ADAM28: variants seen among roughly 807,000 people sequenced by gnomAD.
ADAM28 encodes the protein disintegrin and metalloproteinase domain-containing protein 28.
In ADAM28, 105 loss-of-function variants were observed where a neutral mutation model predicts 101.2. The ratio of observed to expected loss-of-function variants is 1.04; its 90% CI spans 0.89 to 1.22. ADAM28 has a LOEUF of 1.22. Among genes scored for constraint, ADAM28 ranks in the 50% most tolerant of loss-of-function variants. The pLI is 0.00. For missense variants in ADAM28, 1,028 were observed against 945.4 expected (o/e 1.09, Z -1.15); for synonymous variants, 322 against 310.6 (o/e 1.04, Z -0.39).
chr8:24,315,263 T>C (rs572501089), intron 6 of ADAM28, among the ~76,000 whole-genome samples: 6 of 151,738 alleles, frequency 4.0e-5, no homozygotes, highest in South Asian at 2.1e-4. Context: ...GGTAACAAAA[T>C]AGACAAACTC....
intron 9 of ADAM28, chr8:24,324,989 T>C (rs774757559): frequency 2.0e-5 from 3 of 151,994 alleles, no homozygotes; most frequent in Non-Finnish European, 2.9e-5. Context: ...CCAGTCCAGA[T>C]TCAAGGGGAA....
intron 5 of ADAM28, among the ~76,000 whole-genome samples, 192 bp downstream of exon 5, chr8:24,311,629 C>CT (rs1438902122): frequency 1.3e-5 from 2 of 152,246 alleles, no homozygotes; most frequent in South Asian, 2.1e-4. Context: ...ATCCGAATTG[C>CT]TTTCAAATAT....
chr8:24,305,589 C>T lies in ADAM28; in HGVS notation c.151-4305C>T, dbSNP rs575054767. ...ACATGTTGGTCTAAATAAATACTTGCAAAGCACATTAATTTTATCTTTAAA... is the reference window on the plus strand; with the variant it reads ...ACATGTTGGTCTAAATAAATACTTGTAAAGCACATTAATTTTATCTTTAAA... On this transcript the variant is annotated intron_variant, in intron 2 of 22. Coordinates refer to ENST00000265769, the MANE Select transcript of ADAM28 (RefSeq NM_014265.6). Among the ~76,000 whole-genome samples the T allele has an allele frequency of 2.2e-3, 336 of 150,160 alleles. 1 individual carries two copies. The highest frequency in any genetic ancestry group is 3.8e-3 in the Non-Finnish European group (260 of 67,738).
At chr8:24,309,195 C>A (rs1394049576) in intron 2 of ADAM28, among the ~76,000 whole-genome samples, 2 of 152,078 alleles carry the variant, frequency 1.3e-5, no homozygotes, top group East Asian at 1.9e-4. Flanking sequence ...CATGGTTTAC[C>A]CGAGGTAATA....
intron 16 of ADAM28, 72 bp downstream of exon 16, chr8:24,341,829 G>T: frequency 6.3e-7 from 1 of 1,592,906 alleles, no homozygotes; most frequent in South Asian, 1.1e-5. Context: ...TTTGCCCCTC[G>T]GTTATTCACT....
chr8:24,332,709 C>A lies in ADAM28; in HGVS notation c.1331C>A (p.Thr444Asn). 1 of 1,521,260 alleles carries A rather than the reference C, an allele frequency of 6.6e-7. No individual in the cohort carries two copies. The highest frequency in any genetic ancestry group is 8.9e-7 in the Non-Finnish European group (1 of 1,125,660). The allele number at this position is 1,521,260 out of a possible 1,614,324, so 94.2% of individuals were successfully genotyped here. A position where few individuals can be genotyped will look rare whatever the true frequency, so the allele number is the denominator to read the frequency against. Residue 444 changes from threonine to asparagine, a missense_variant, in exon 13 of 23, where the codon ACT becomes AAT. Physicochemically the swap from Thr to Asn is moderately conservative, Grantham distance 65. Coordinates refer to ENST00000265769, the MANE Select transcript of ADAM28 (RefSeq NM_014265.6). ...GCTAAGACATGTAAAATCAAAGCAA[C>A]TTTTCAATGTGCATTAGGAGAATGT... The part of the protein sequence containing the change: ...CDAKTCKIKA[T>N]FQCALGECCE...
chr8:24,306,708 C>G (rs1422311934), intron 2 of ADAM28, among the ~76,000 whole-genome samples: 7 of 152,120 alleles, frequency 4.6e-5, no homozygotes, highest in African/African-American at 1.7e-4. Flanking sequence ...AAAATATTCT[C>G]TGTTTATCTG....
In ADAM28 at chr8:24,339,574, T is replaced by C. The variant is rs1452750042; in HGVS notation, c.1670+6T>C. On this transcript the variant is annotated splice_donor_region_variant and intron_variant, in intron 15 of 22. Transcript: ENST00000265769. ...CTCATTCCCTGCAAAGCAAAGTAAG[T>C]GGCCTTGTCTGAACCTTCCTGCTTC... 20 of 1,607,408 alleles carry C rather than the reference T, an allele frequency of 1.2e-5. No individual in the cohort carries two copies. Among genetic ancestry groups the C allele is most frequent in the Non-Finnish European group, 1.7e-5 (20 of 1,176,422 alleles).
At chr8:24,323,157 C>G (rs1259196828) in intron 8 of ADAM28, among the ~76,000 whole-genome samples, 1 of 151,846 alleles carries the variant, frequency 6.6e-6, no homozygotes, top group Non-Finnish European at 1.5e-5. Context: ...CAGCTGCCTT[C>G]TCACTGTGCC....
intron 11 of ADAM28, among the ~76,000 whole-genome samples, chr8:24,330,739 C>G (rs1421256337): frequency 6.6e-6 from 1 of 152,102 alleles, no homozygotes. Flanking sequence ...GTTAACTCTC[C>G]CCTCTATTAC....
Position 24,331,318 on chromosome 8 carries a change from G to A in ADAM28, c.1272G>A (p.Gly424=), listed in dbSNP as rs377763144. Residue 424 remains glycine, a synonymous_variant, in exon 12 of 23, where the codon GGG becomes GGA. Coordinates refer to ENST00000265769, the MANE Select transcript of ADAM28 (RefSeq NM_014265.6). ...AAATGGGAGAGGACTGTGATTGTGGGACATCTGAGGTATGGCCAATCACTT... is the reference window on the plus strand; with the variant it reads ...AAATGGGAGAGGACTGTGATTGTGGAACATCTGAGGTATGGCCAATCACTT... ...LVEMGEDCDC[G]TSEECTNICC... 5.6e-6 allele frequency: 9 copies of A among 1,603,416 alleles called. No homozygotes were observed. The African/African-American group carries it at 8.1e-5, about 14-fold the overall frequency.
At chr8:24,310,007 A>G (rs1250794321) in intron 3 of ADAM28, 37 bp downstream of exon 3, 2 of 1,519,268 alleles carry the variant, frequency 1.3e-6, no homozygotes, top group South Asian at 1.1e-5. Flanking sequence ...CCTCAGCAAG[A>G]GCAAGGCAGC....
chr8:24,352,119 A>G (rs1816231793), intron 21 of ADAM28, 67 bp downstream of exon 21: 1 of 1,310,754 alleles, frequency 7.6e-7, no homozygotes. Context: ...TGAAAGTCAT[A>G]GCCCACAACA....
At chr8:24,297,655 C>A (rs553033850) in intron 1 of ADAM28, among the ~76,000 whole-genome samples, 7 of 152,210 alleles carry the variant, frequency 4.6e-5, no homozygotes, top group Non-Finnish European at 7.3e-5. Flanking sequence ...ATGTACCAGG[C>A]AGCACGTGGG....
rs144387069 is a variant in ADAM28, at chr8:24,347,815, GACC to G, written c.1991-2047_1991-2045del. Among the ~76,000 whole-genome samples the G allele has an allele frequency of 9.3e-3, 1,418 of 152,166 alleles. 22 individuals carry two copies. Among genetic ancestry groups the G allele is most frequent in the African/African-American group, 0.032 (1,329 of 41,526 alleles). On this transcript the variant is annotated intron_variant, in intron 18 of 22. Transcript: ENST00000265769. ...CCTTTGAGAATATACACTTCCTGGA[GACC>G]ATATAGCTGTAACGTATTTGTTTTG...
Position 24,349,975 on chromosome 8 carries a change from G to C in ADAM28, c.2099+3G>C. The C allele has an allele frequency of 1.2e-6, 2 of 1,612,552 alleles. No individual in the cohort carries two copies. Among genetic ancestry groups the C allele is most frequent in the East Asian group, 2.2e-5 (1 of 44,750 alleles). ...GAAAAGCAGAAGAAAGATCAGAGGT[G>C]ATCCTTTATCTTATCTTGCTGTAGG... On this transcript the variant is annotated splice_donor_region_variant and intron_variant, in intron 19 of 22. Transcript: ENST00000265769.
intron 13 of ADAM28, 103 bp from the exon 14 acceptor site, chr8:24,335,343 C>T: frequency 6.9e-7 from 1 of 1,442,890 alleles, no homozygotes; most frequent in African/African-American, 1.4e-5. Flanking sequence ...CCTCCAACTA[C>T]TATGCCCAAA....
At chr8:24,300,978 T>G (rs1013762774) in intron 2 of ADAM28, 18 of 152,154 alleles carry the variant, frequency 1.2e-4, no homozygotes, top group African/African-American at 4.3e-4. Flanking sequence ...CAATAAACAT[T>G]TATTAATTCT....
chr8:24,331,560 T>C (rs1275490328), intron 12 of ADAM28, among the ~76,000 whole-genome samples: 1 of 152,122 alleles, frequency 6.6e-6, no homozygotes, highest in Non-Finnish European at 1.5e-5. Flanking sequence ...TTTTAAGGAC[T>C]ATTTACTAAC....
Sources: gnomAD v4.1 joint callset for allele counts (sites outside exome capture counted in the v4.1 genomes callset) on GRCh38, gnomAD v4.1.1 for gene constraint, MANE v1.5 for transcripts, NCBI Gene and HGNC (gene_info 2026-07-23, HGNC 2026-07-21) for gene names.